Variants in PTPRM observed in about 807,000 individuals in gnomAD.
The protein encoded by PTPRM is receptor-type tyrosine-protein phosphatase mu.
Under a neutral mutation model 186.7 loss-of-function variants are expected in PTPRM, and 47 were observed. The ratio of observed to expected loss-of-function variants is 0.25; its 90% CI spans 0.20 to 0.32. The LOEUF (loss-of-function observed/expected upper bound fraction) is 0.32. PTPRM is among the 10% of genes least tolerant of loss of function. The pLI, the probability that PTPRM is intolerant of heterozygous loss-of-function variation, is 1.00. For missense variants in PTPRM, 1,494 were observed against 1,865.0 expected (o/e 0.80, Z 3.66); for synonymous variants, 668 against 674.9 (o/e 0.99, Z 0.16).
At chr18:8,199,898 T>C (rs907252054) in intron 14 of PTPRM, among the ~76,000 whole-genome samples, 4 of 152,110 alleles carry the variant, frequency 2.6e-5, no homozygotes, top group African/African-American at 9.7e-5. Context: ...TGAATAGAAA[T>C]TAACACTGTA....
chr18:8,334,531 CTGTT>C (rs2095428316), intron 22 of PTPRM, among the ~76,000 whole-genome samples: 1 of 152,250 alleles, frequency 6.6e-6, no homozygotes, highest in African/African-American at 2.4e-5. Flanking sequence ...TTGCTGCTGT[CTGTT>C]GGATTCCCGA....
In PTPRM at chr18:7,684,698, A is replaced by AAT. The variant is rs529746855; in HGVS notation, c.74-89449_74-89448dup. On this transcript the variant is annotated intron_variant, in intron 1 of 32. Transcript: ENST00000580170. Reference sequence around the variant, plus strand: ...AATTTCCTTCTCTTTAAAGGTGAATAATAATACATTGTATGTATATGACAC... The same window carrying AAT: ...AATTTCCTTCTCTTTAAAGGTGAATAATATAATACATTGTATGTATATGACAC... 1.4e-4 allele frequency among the ~76,000 whole-genome samples: 21 copies of AAT among 152,362 alleles called. No individual in the cohort carries two copies. In the East Asian group the frequency reaches 4.0e-3, roughly 29 times the overall value.
At chr18:7,764,296 A>C (rs2144794932) in intron 1 of PTPRM, among the ~76,000 whole-genome samples, 2 of 152,348 alleles carry the variant, frequency 1.3e-5, no homozygotes, top group South Asian at 4.1e-4. Context: ...AATAATACTT[A>C]AAAAGGTCAG....
At chr18:7,855,480 A>G (rs1199575713) in intron 2 of PTPRM, among the ~76,000 whole-genome samples, 3 of 152,232 alleles carry the variant, frequency 2.0e-5, no homozygotes, top group Non-Finnish European at 4.4e-5. Context: ...CAAAGAAGGA[A>G]GAAGAAAGAA....
At chr18:8,388,377 G>A (rs995683318) in intron 31 of PTPRM, among the ~76,000 whole-genome samples, 23 of 152,142 alleles carry the variant, frequency 1.5e-4, no homozygotes, top group Non-Finnish European at 2.2e-4. Context: ...GGCTCAGGGC[G>A]TGGGTTACTC....
At chr18:8,240,686 AG>A in intron 14 of PTPRM, among the ~76,000 whole-genome samples, 1 of 95,952 alleles carries the variant, frequency 1.0e-5, no homozygotes, top group Non-Finnish European at 2.2e-5. Flanking sequence ...AGAAAAAGAA[AG>A]AGAGAAAGAG....
intron 22 of PTPRM, among the ~76,000 whole-genome samples, chr18:8,332,876 T>C (rs1279190147): frequency 6.6e-6 from 1 of 152,260 alleles, no homozygotes; most frequent in Admixed American, 6.5e-5. Flanking sequence ...TATATTTTAT[T>C]ATAGCTTTTC....
chr18:8,345,579 T>A (rs555946039), intron 23 of PTPRM, among the ~76,000 whole-genome samples: 30 of 152,136 alleles, frequency 2.0e-4, no homozygotes, highest in African/African-American at 7.2e-4. Flanking sequence ...CATGGAAATG[T>A]ACCAGTGTAT....
At position 7,646,154 on chromosome 18, in the gene PTPRM, C is replaced by T. The variant is rs924647505; in HGVS notation, c.73+78263C>T. ...ACATATGCCCAGGATTTGAAGTGAG[C>T]TGTGTCAATACTCACAAAAACCCAT... On this transcript the variant is annotated intron_variant, in intron 1 of 32. Transcript: ENST00000580170. 9.7e-4 allele frequency among the ~76,000 whole-genome samples: 148 copies of T among 152,290 alleles called. 2 individuals carry two copies. The highest frequency in any genetic ancestry group is 3.4e-3 in the African/African-American group (142 of 41,562).
In PTPRM at chr18:7,888,307, C is replaced by G. The variant is rs747982067; in HGVS notation, c.398C>G (p.Ser133Cys). 3.7e-6 allele frequency: 6 copies of G among 1,614,194 alleles called. No homozygotes were observed. Among genetic ancestry groups the G allele is most frequent in the Non-Finnish European group, 5.1e-6 (6 of 1,180,034 alleles). ...GPLGNPIWNI[S>C]GDPTRTWNRA... The stretch of plus-strand genomic sequence containing the variant: ...CTGGGGAATCCTATCTGGAATATAT[C>G]TGGAGACCCAACACGTACATGGAAC... Residue 133 changes from serine to cysteine, a missense_variant, in exon 3 of 33, where the codon TCT (serine) becomes TGT (cysteine). Physicochemically the swap from Ser to Cys is moderately radical, Grantham distance 112. This residue lies in a region of PTPRM where 296 missense variants were observed against 345.5 expected (regional missense o/e 0.86). Coordinates refer to ENST00000580170, the MANE Select transcript of PTPRM (RefSeq NM_001105244.2).
At chr18:7,863,024 G>A (rs771890765) in intron 2 of PTPRM, among the ~76,000 whole-genome samples, 10 of 152,038 alleles carry the variant, frequency 6.6e-5, no homozygotes, top group Non-Finnish European at 1.5e-4. Flanking sequence ...TATTAGGTTT[G>A]GGGTAGAGAA....
chr18:7,729,353 G>C (rs1221762790), intron 1 of PTPRM, among the ~76,000 whole-genome samples: 2 of 152,000 alleles, frequency 1.3e-5, no homozygotes, highest in African/African-American at 4.8e-5. Flanking sequence ...CCTGATTCAG[G>C]GTTTGTGGAA....
Position 8,390,906 on chromosome 18 carries a change from C to T in PTPRM, c.4209-3570C>T, listed in dbSNP as rs189730046. Among the ~76,000 whole-genome samples the T allele has an allele frequency of 1.8e-3, 276 of 150,314 alleles. 2 individuals carry two copies. Among genetic ancestry groups the T allele is most frequent in the African/African-American group, 6.3e-3 (258 of 40,932 alleles). ...TCGTGCCACTGCACTCTAGCCTGGG[C>T]GACAGAGCAAGACTCTGTCTCAAAA... On this transcript the variant is annotated intron_variant, in intron 31 of 32. Coordinates refer to ENST00000580170, the MANE Select transcript of PTPRM (RefSeq NM_001105244.2).
intron 22 of PTPRM, among the ~76,000 whole-genome samples, chr18:8,332,171 T>C (rs1295286449): frequency 1.3e-5 from 2 of 152,254 alleles, no homozygotes; most frequent in African/African-American, 4.8e-5. Flanking sequence ...TACTATGTAA[T>C]TATTTGTCCT....
intron 1 of PTPRM, among the ~76,000 whole-genome samples, chr18:7,724,056 T>C (rs572689046): frequency 1.3e-5 from 2 of 152,270 alleles, no homozygotes; most frequent in South Asian, 2.1e-4. Flanking sequence ...ATATCTTCTA[T>C]GTACTCCCTA....
At position 7,567,609 on chromosome 18, in the gene PTPRM, CA is replaced by C. The variant is rs2036456828; in HGVS notation, c.-209del. Reference sequence around the variant, plus strand: ...GCCAGACGCCGAGTGGGGCCAGGGACAGGGGAGGAGGACCCAGGACCCTGTG... The same window carrying C: ...GCCAGACGCCGAGTGGGGCCAGGGACGGGGAGGAGGACCCAGGACCCTGTG... On this transcript the variant is annotated 5_prime_UTR_variant, in exon 1 of 33. Coordinates refer to ENST00000580170, the MANE Select transcript of PTPRM (RefSeq NM_001105244.2). The surrounding 1 kb of genome is among the most constrained non-coding windows in gnomAD (Gnocchi z 4.3). 1 of 434,128 alleles carries C rather than the reference CA, an allele frequency of 2.3e-6. No homozygotes were observed. Among genetic ancestry groups the C allele is most frequent in the South Asian group, 5.9e-5 (1 of 16,834 alleles). 26.9% of individuals were successfully genotyped at this position (434,128 alleles called of 1,614,324 possible).
At chr18:8,038,777 C>A (rs2086509479) in intron 7 of PTPRM, among the ~76,000 whole-genome samples, 1 of 152,124 alleles carries the variant, frequency 6.6e-6, no homozygotes, top group South Asian at 2.1e-4. Flanking sequence ...GCCCTTTAGT[C>A]AGCCTCTTGA....
chr18:7,698,252 T>C (rs902975179), intron 1 of PTPRM, among the ~76,000 whole-genome samples: 1 of 152,194 alleles, frequency 6.6e-6, no homozygotes, highest in Non-Finnish European at 1.5e-5. Context: ...CCACAGCTGC[T>C]ACTGAATATC....
intron 29 of PTPRM, 120 bp downstream of exon 29, chr18:8,380,547 A>T: frequency 8.3e-7 from 1 of 1,209,004 alleles, no homozygotes; most frequent in Non-Finnish European, 1.2e-6. Context: ...TGCCAGTTGA[A>T]GTTGAGAACT....
Sources: gnomAD v4.1 joint callset for allele counts (sites outside exome capture counted in the v4.1 genomes callset) on GRCh38, gnomAD v4.1.1 for gene constraint, gnomAD v4.1.1 regional missense constraint, Gnocchi (gnomAD v3.1) non-coding constraint, MANE v1.5 for transcripts, NCBI Gene and HGNC (gene_info 2026-07-23, HGNC 2026-07-21) for gene names.